The following DCP1B variants were observed in gnomAD, a reference collection of about 807,000 sequenced individuals.
The protein encoded by DCP1B is mRNA-decapping enzyme 1B.
DCP1B carries 47 observed loss-of-function variants against 60.5 expected under a neutral mutation model. The observed-to-expected ratio is 0.78, with a 90% CI of 0.61 to 0.99. The LOEUF is 0.99. Ranked by LOEUF, DCP1B falls within the 50% of genes least tolerant of loss-of-function variation. DCP1B has a pLI of 0.00. For synonymous variants in DCP1B, 267 were observed against 280.3 expected (o/e 0.95, Z 0.47); for missense variants, 725 against 756.8 (o/e 0.96, Z 0.49).
At chr12:1,993,855 G>A (rs2040139672) in intron 2 of DCP1B, among the ~76,000 whole-genome samples, 2 of 152,132 alleles carry the variant, frequency 1.3e-5, no homozygotes, top group African/African-American at 4.8e-5. Context: ...AAAATTTTAA[G>A]TGTTAGTCTG....
At chr12:1,978,883 C>T (rs2035240478) in intron 3 of DCP1B, among the ~76,000 whole-genome samples, 1 of 152,208 alleles carries the variant, frequency 6.6e-6, no homozygotes, top group South Asian at 2.1e-4. Context: ...TTCTTCTTAT[C>T]GCTGAGTAGT....
At position 1,946,144 on chromosome 12, in the gene DCP1B, G is replaced by C. The variant is rs1244527994; in HGVS notation, c.*62C>G. On this transcript the variant is annotated 3_prime_UTR_variant, in exon 9 of 9. Coordinates refer to ENST00000280665, the MANE Select transcript of DCP1B (RefSeq NM_152640.5). ...CATTGAAGGAAACAACACTCAACAT[G>C]AAAGAACCTTGTGCCGGAGTTCTAG... is the stretch of plus-strand genomic sequence containing the variant. 5 of 1,297,404 alleles carry C rather than the reference G, an allele frequency of 3.9e-6. No homozygotes were observed. The highest frequency in any genetic ancestry group is 1.5e-5 in the African/African-American group (1 of 66,332). The allele number at this position is 1,297,404 out of a possible 1,614,324, so 80.4% of individuals were successfully genotyped here. A position where few individuals can be genotyped will look rare whatever the true frequency, so the allele number is the denominator to read the frequency against.
At chr12:1,976,695 A>G (rs1047482496) in intron 3 of DCP1B, among the ~76,000 whole-genome samples, 12 of 152,190 alleles carry the variant, frequency 7.9e-5, no homozygotes, top group African/African-American at 2.7e-4. Context: ...TTGACCCTAG[A>G]GAGCTTTAGG....
At chr12:1,989,346 A>AGAGCAGGAGCAGGAGCAG (rs370112885) in intron 3 of DCP1B, among the ~76,000 whole-genome samples, 1 of 152,144 alleles carries the variant, frequency 6.6e-6, no homozygotes, top group Non-Finnish European at 1.5e-5. Flanking sequence ...TCTAAAGAGC[A>AGAGCAGGAGCAGGAGCAG]GAGCAGGAGC....
chr12:1,949,144 A>T lies in DCP1B; in HGVS notation c.1715T>A (p.Ile572Asn). ...GAGCTTGGTGAGTGGGCTGCTGGTGATCACGGAGGGCTCCGGGCTCTGTAT... is the reference window on the plus strand; with the variant it reads ...GAGCTTGGTGAGTGGGCTGCTGGTGTTCACGGAGGGCTCCGGGCTCTGTAT... ...LPIQSPEPSVITSSPLTKLQL... is the reference protein window; with the variant it reads ...LPIQSPEPSVNTSSPLTKLQL... Residue 572 changes from isoleucine to asparagine, a missense_variant, in exon 8 of 9, where the codon ATC becomes AAC. By Grantham distance (149) the Ile-to-Asn change is moderately radical. Transcript: ENST00000280665. 6.2e-7 allele frequency: 1 copy of T among 1,614,102 alleles called. No individual in the cohort carries two copies. Among genetic ancestry groups the T allele is most frequent in the Admixed American group, 1.7e-5 (1 of 60,016 alleles).
chr12:1,978,256 G>A (rs2035040996), intron 3 of DCP1B, among the ~76,000 whole-genome samples: 1 of 152,142 alleles, frequency 6.6e-6, no homozygotes. Context: ...ATTACTTGGG[G>A]CTTTCAGTTG....
chr12:1,959,429 GC>G (rs1324460882), intron 5 of DCP1B, among the ~76,000 whole-genome samples: 1 of 152,182 alleles, frequency 6.6e-6, no homozygotes, highest in Non-Finnish European at 1.5e-5. Flanking sequence ...TAGACAAAGG[GC>G]CTGAGTGGAC....
In DCP1B at chr12:1,948,982, C is replaced by T; in HGVS notation, c.1773+104G>A. On this transcript the variant is annotated intron_variant, in intron 8 of 8. Transcript: ENST00000280665. This position sits in a 1 kb window ranked among gnomAD's most constrained non-coding sequence, Gnocchi z 4.8. ...TGAGTTGTTACACACACCTGTTATT[C>T]TCACGGAAGCTAAGCAGGCCTTGGC... The T allele has an allele frequency of 1.4e-6, 2 of 1,459,824 alleles. No individual in the cohort carries two copies. Among genetic ancestry groups the T allele is most frequent in the Non-Finnish European group, 1.9e-6 (2 of 1,073,272 alleles). 90.4% of individuals were successfully genotyped at this position (1,459,824 alleles called of 1,614,324 possible).
At chr12:1,945,689 A>T (rs1343478263), downstream of DCP1B, among the ~76,000 whole-genome samples, 1 of 152,244 alleles carries the variant, frequency 6.6e-6, no homozygotes, top group African/African-American at 2.4e-5. Context: ...ACACCCAGGG[A>T]ATACTATGCA....
At chr12:1,981,771 A>G (rs1161057046) in intron 3 of DCP1B, among the ~76,000 whole-genome samples, 1 of 152,240 alleles carries the variant, frequency 6.6e-6, no homozygotes, top group Non-Finnish European at 1.5e-5. Context: ...CAGGGGACTC[A>G]CAAAAACATC....
intron 3 of DCP1B, among the ~76,000 whole-genome samples, chr12:1,990,250 T>C (rs759124343): frequency 2.8e-4 from 42 of 152,346 alleles, no homozygotes; most frequent in Non-Finnish European, 5.4e-4. Context: ...AACATAGTGT[T>C]TGGCAGACAG....
At chr12:1,988,452 A>G (rs1416232532) in intron 3 of DCP1B, among the ~76,000 whole-genome samples, 1 of 152,224 alleles carries the variant, frequency 6.6e-6, no homozygotes, top group Non-Finnish European at 1.5e-5. Flanking sequence ...ACATATTACC[A>G]TTCTGCAGGG....
chr12:1,961,688 A>G (rs75632218), intron 5 of DCP1B, among the ~76,000 whole-genome samples: 1,735 of 152,302 alleles, frequency 0.011, 32 homozygotes, highest in African/African-American at 0.035. Context: ...TTCACATGGA[A>G]GAATAATTAA....
chr12:2,003,199 G>A (rs114899910), intron 1 of DCP1B, among the ~76,000 whole-genome samples: 276 of 152,130 alleles, frequency 1.8e-3, no homozygotes, highest in African/African-American at 5.8e-3. Context: ...TTTACTACAG[G>A]CTGCTGAACT....
chr12:1,942,340 T>A (rs2030300540), downstream of DCP1B, among the ~76,000 whole-genome samples: 1 of 152,196 alleles, frequency 6.6e-6, no homozygotes, highest in African/African-American at 2.4e-5. Flanking sequence ...ATAATAATAG[T>A]GGGAGACTTT....
At chr12:1,992,224 C>T (rs2039599111) in intron 3 of DCP1B, 1 of 152,702 alleles carries the variant, frequency 6.5e-6, no homozygotes, top group Non-Finnish European at 1.5e-5. Context: ...ATTATAGTTT[C>T]AATAGCTTTA....
chr12:1,944,855 G>A (rs993225837), downstream of DCP1B, among the ~76,000 whole-genome samples: 16 of 152,204 alleles, frequency 1.1e-4, no homozygotes, highest in East Asian at 1.9e-4. Context: ...AGGCAATACC[G>A]TTCAGGACAT....
intron 4 of DCP1B, chr12:1,966,160 C>T (rs1333768874): frequency 1.3e-5 from 2 of 152,360 alleles, no homozygotes; most frequent in African/African-American, 4.8e-5. Flanking sequence ...GCTAAGGAAA[C>T]CCAATTTAGA....
In DCP1B at chr12:1,971,018, T is replaced by C. The variant is rs1380603451; in HGVS notation, c.320-3108A>G. On this transcript the variant is annotated intron_variant, in intron 3 of 8. Coordinates refer to ENST00000280665, the MANE Select transcript of DCP1B (RefSeq NM_152640.5). This position sits in a 1 kb window ranked among gnomAD's most constrained non-coding sequence, Gnocchi z 4.2. ...AAGAGATCATGAGCAGGATAATTAT[T>C]TAGCTTTAAAAATCAACCAATTAAT... 3 of 1,223,332 alleles carry C rather than the reference T, an allele frequency of 2.5e-6. No individual in the cohort carries two copies. The highest frequency in any genetic ancestry group is 3.2e-6 in the Non-Finnish European group (3 of 938,638). 75.8% of individuals were successfully genotyped at this position (1,223,332 alleles called of 1,614,324 possible).
Sources: allele counts gnomAD v4.1 joint callset (sites outside exome capture counted in the v4.1 genomes callset), GRCh38; gene constraint gnomAD v4.1.1; non-coding constraint Gnocchi (gnomAD v3.1); transcripts MANE v1.5; gene names NCBI Gene and HGNC (gene_info 2026-07-23, HGNC 2026-07-21).